The following TSTD1 variants were observed in gnomAD, a reference collection of about 807,000 sequenced individuals.
TSTD1 encodes thiosulfate sulfurtransferase like domain containing 1.
Under a neutral mutation model 12.6 loss-of-function variants are expected in TSTD1, and 7 were observed. The ratio of observed to expected loss-of-function variants is 0.55; its 90% CI spans 0.32 to 1.04. TSTD1 has a LOEUF of 1.04. Among genes scored for constraint, TSTD1 ranks in the 50% least tolerant of loss-of-function variants. The probability of loss-of-function intolerance (pLI) is 0.05; values close to 1 mark genes in which losing one functional copy is unlikely to be tolerated. For synonymous variants in TSTD1, 73 were observed against 59.7 expected (o/e 1.22, Z -1.03); for missense variants, 156 against 151.0 (o/e 1.03, Z -0.17).
chr1:161,038,006 G>A lies in TSTD1; in HGVS notation c.203C>T (p.Pro68Leu). ...AACGAGATGCTCATCTTCCAGCTTT[G>A]GCTTCTCAGCAGAATATAAAGCCTG... ...AFQALYSAEK[P>L]KLEDEHLVFF... Residue 68 changes from proline to leucine, a missense_variant, in exon 3 of 4, where the codon CCA (proline) becomes CTA (leucine). Pro to Leu is a moderately conservative substitution (Grantham distance 98). Transcript: ENST00000423014. The A allele has an allele frequency of 6.4e-7, 1 of 1,551,684 alleles. No individual in the cohort carries two copies. Among genetic ancestry groups the A allele is most frequent in the African/African-American group, 1.4e-5 (1 of 73,172 alleles).
chr1:161,038,012 TCA>T lies in TSTD1; in HGVS notation c.195_196del (p.Lys67AlafsTer6). On this transcript the variant is annotated frameshift_variant, in exon 3 of 4. Transcript: ENST00000423014. LOFTEE classifies it high-confidence loss of function. ...ATGCTCATCTTCCAGCTTTGGCTTC[TCA>T]GCAGAATATAAAGCCTGGAAGGCAG... 1 of 1,551,692 alleles carries T rather than the reference TCA, an allele frequency of 6.4e-7. No homozygotes were observed. Among genetic ancestry groups the T allele is most frequent in the South Asian group, 1.2e-5 (1 of 84,064 alleles).
chr1:161,038,595 T>C lies in TSTD1; in HGVS notation c.89A>G (p.Glu30Gly), dbSNP rs1650333503. 5 of 1,550,136 alleles carry C rather than the reference T, an allele frequency of 3.2e-6. No individual in the cohort carries two copies. The highest frequency in any genetic ancestry group is 4.4e-6 in the Non-Finnish European group (5 of 1,145,844). ...RARLFDVRSR[E>G]EAAAGTIPGA... ...TGGGATGGTCCCAGCTGCCGCCTCC[T>C]CGCGAGAGCGCACGTCGAAGAGCCG... The change falls in exon 2 of 4, where the codon GAG becomes GGG. Residue 30 changes from glutamate to glycine, a missense_variant. Coordinates refer to ENST00000423014, the MANE Select transcript of TSTD1 (RefSeq NM_001113207.2).
chr1:161,037,811 A>G lies in TSTD1; in HGVS notation c.312T>C (p.Ala104=), dbSNP rs374318789. Residue 104 remains alanine, a synonymous_variant, in exon 4 of 4, where the codon GCT becomes GCC. Transcript: ENST00000423014. ...SLGYTGARNY[A]GAYREWLEKE... ...TCTCCAACCATTCTCTATAGGCTCC[A>G]GCGTAGTTGCGAGCCCTGTGGAGAC... 52 of 1,551,622 alleles carry G rather than the reference A, an allele frequency of 3.4e-5. 1 individual carries two copies. Among genetic ancestry groups the G allele is most frequent in the Non-Finnish European group, 4.3e-5 (49 of 1,146,988 alleles).
chr1:161,038,901 C>T lies in TSTD1; in HGVS notation c.-12G>A. On this transcript the variant is annotated 5_prime_UTR_variant, in exon 1 of 4. Coordinates refer to ENST00000423014, the MANE Select transcript of TSTD1 (RefSeq NM_001113207.2). ...GTACCTCCAGCCATGGTGCGCGTAG[C>T]AACCGCGAGTCTCCGGAGTGCGGCC... The T allele has an allele frequency of 6.4e-7, 1 of 1,550,820 alleles. No homozygotes were observed. The highest frequency in any genetic ancestry group is 8.7e-7 in the Non-Finnish European group (1 of 1,146,422).
In TSTD1 at chr1:161,037,697, CA is replaced by C. The variant is rs1650274481; in HGVS notation, c.*77del. ...CACTATAAGGAGTTGCCCAATTCACCAAGTCAGCCCGTTCACACCCTTAGTT... is the reference window on the plus strand; with the variant it reads ...CACTATAAGGAGTTGCCCAATTCACCAGTCAGCCCGTTCACACCCTTAGTT... On this transcript the variant is annotated 3_prime_UTR_variant, in exon 4 of 4. Coordinates refer to ENST00000423014, the MANE Select transcript of TSTD1 (RefSeq NM_001113207.2). 4 of 1,488,120 alleles carry C rather than the reference CA, an allele frequency of 2.7e-6. No individual in the cohort carries two copies. The South Asian group carries it at 3.6e-5, about 14-fold the overall frequency. The allele number at this position is 1,488,120 out of a possible 1,614,324, so 92.2% of individuals were successfully genotyped here. A position where few individuals can be genotyped will look rare whatever the true frequency, so the allele number is the denominator to read the frequency against.
intron 3 of TSTD1, 34 bp from the exon 4 acceptor site, chr1:161,037,860 G>A: frequency 6.4e-7 from 1 of 1,551,792 alleles, no homozygotes; most frequent in South Asian, 1.2e-5. Flanking sequence ...AGACTGACAG[G>A]AATGACAGGC....
chr1:161,038,677 A>T lies in TSTD1; in HGVS notation c.11-4T>A. 2.6e-6 allele frequency: 4 copies of T among 1,542,676 alleles called. No individual in the cohort carries two copies. Among genetic ancestry groups the T allele is most frequent in the Non-Finnish European group, 3.5e-6 (4 of 1,139,648 alleles). ...TCAGGAAGCGAGACCGTGGGCGCTG[A>T]GGAAGGGGCGCGACAGCCTTCAGGA... On this transcript the variant is annotated splice_region_variant and splice_polypyrimidine_tract_variant and intron_variant, in intron 1 of 3. Transcript: ENST00000423014.
At position 161,038,805 on chromosome 1, in the gene TSTD1, C is replaced by G. The variant is rs908730314; in HGVS notation, c.10+75G>C. On this transcript the variant is annotated intron_variant, in intron 1 of 3. Transcript: ENST00000423014. ...ACCCCTCAGCCACGCCCCTTCGCTC[C>G]GCCACCCCACTCCCTGCCACGCCTC... 79 of 1,525,114 alleles carry G rather than the reference C, an allele frequency of 5.2e-5. No individual in the cohort carries two copies. In the African/African-American group the frequency reaches 9.6e-4, roughly 19 times the overall value. The allele number at this position is 1,525,114 out of a possible 1,614,324, so 94.5% of individuals were successfully genotyped here. A position where few individuals can be genotyped will look rare whatever the true frequency, so the allele number is the denominator to read the frequency against.
rs746943567 is a variant in TSTD1 at position 161,038,929 on chromosome 1, G to A, written c.-40C>T. ...CCGCGAGTCTCCGGAGTGCGGCCCT[G>A]GCCCGCCCTCTCGGCGCCTGCAACA... On this transcript the variant is annotated 5_prime_UTR_variant, in exon 1 of 4. Coordinates refer to ENST00000423014, the MANE Select transcript of TSTD1 (RefSeq NM_001113207.2). 1.3e-6 allele frequency: 2 copies of A among 1,548,732 alleles called. No homozygotes were observed. The highest frequency in any genetic ancestry group is 1.7e-6 in the Non-Finnish European group (2 of 1,144,808).
At position 161,038,619 on chromosome 1, in the gene TSTD1, C is replaced by T. The variant is rs1650336343; in HGVS notation, c.65G>A (p.Arg22Gln). 6.4e-7 allele frequency: 1 copy of T among 1,550,816 alleles called. No homozygotes were observed. The highest frequency in any genetic ancestry group is 8.7e-7 in the Non-Finnish European group (1 of 1,146,312). Reference protein sequence around the residue: ...LRSLLASGRARLFDVRSREEA... With the variant: ...LRSLLASGRAQLFDVRSREEA... ...CTCGCGAGAGCGCACGTCGAAGAGC[C>T]GGGCCCGTCCGGAGGCTAGGAGTGA... The change falls in exon 2 of 4, where the codon CGG becomes CAG. Residue 22 changes from arginine to glutamine, a missense_variant. Arg to Gln is a conservative substitution (Grantham distance 43). Transcript: ENST00000423014.
Position 161,037,906 on chromosome 1 carries a change from C to T in TSTD1, c.296+7G>A. 1 of 1,551,860 alleles carries T rather than the reference C, an allele frequency of 6.4e-7. No individual in the cohort carries two copies. The highest frequency in any genetic ancestry group is 8.7e-7 in the Non-Finnish European group (1 of 1,147,034). On this transcript the variant is annotated splice_region_variant and intron_variant, in intron 3 of 3. Transcript: ENST00000423014. ...ACCTCCCAGCTAGCAGCCACACCTC[C>T]CCGTACCCAGTGTATCCAAGACTCC...
At position 161,038,621 on chromosome 1, in the gene TSTD1, G is replaced by C. The variant is rs898841576; in HGVS notation, c.63C>G (p.Ala21=). 12 of 1,550,710 alleles carry C rather than the reference G, an allele frequency of 7.7e-6. No homozygotes were observed. In the African/African-American group the frequency reaches 1.1e-4, roughly 14 times the overall value. ...CGCGAGAGCGCACGTCGAAGAGCCG[G>C]GCCCGTCCGGAGGCTAGGAGTGAAC... ...ELRSLLASGR[A]RLFDVRSREE... is the part of the protein sequence containing the mutation. The change falls in exon 2 of 4, where the codon GCC becomes GCG. Residue 21 remains alanine (A), a synonymous_variant. Transcript: ENST00000423014.
At position 161,037,843 on chromosome 1, in the gene TSTD1, G is replaced by A; in HGVS notation, c.297-17C>T. 1 of 1,551,776 alleles carries A rather than the reference G, an allele frequency of 6.4e-7. No individual in the cohort carries two copies. Among genetic ancestry groups the A allele is most frequent in the Non-Finnish European group, 8.7e-7 (1 of 1,147,002 alleles). ...TTGCGAGCCCTGTGGAGACAAAGAAGCGTGAGAGACTGACAGGAATGACAG... is the reference window on the plus strand; with the variant it reads ...TTGCGAGCCCTGTGGAGACAAAGAAACGTGAGAGACTGACAGGAATGACAG... On this transcript the variant is annotated splice_polypyrimidine_tract_variant and intron_variant, in intron 3 of 3. Coordinates refer to ENST00000423014, the MANE Select transcript of TSTD1 (RefSeq NM_001113207.2).
At position 161,037,844 on chromosome 1, in the gene TSTD1, C is replaced by T. The variant is rs1650285112; in HGVS notation, c.297-18G>A. The stretch of plus-strand genomic sequence containing the variant: ...TGCGAGCCCTGTGGAGACAAAGAAG[C>T]GTGAGAGACTGACAGGAATGACAGG... On this transcript the variant is annotated intron_variant, in intron 3 of 3. Coordinates refer to ENST00000423014, the MANE Select transcript of TSTD1 (RefSeq NM_001113207.2). 3 of 1,551,668 alleles carry T rather than the reference C, an allele frequency of 1.9e-6. No individual in the cohort carries two copies. Among genetic ancestry groups the T allele is most frequent in the Non-Finnish European group, 1.7e-6 (2 of 1,147,016 alleles).
Position 161,037,682 on chromosome 1 carries a change from A to AGTT in TSTD1, c.*90_*92dup, listed in dbSNP as rs1432428605. ...CTTTTGTGTGCACAACACTATAAGG[A>AGTT]GTTGCCCAATTCACCAAGTCAGCCC... On this transcript the variant is annotated 3_prime_UTR_variant, in exon 4 of 4. Coordinates refer to ENST00000423014, the MANE Select transcript of TSTD1 (RefSeq NM_001113207.2). The AGTT allele has an allele frequency of 3.1e-6, 4 of 1,294,628 alleles. No homozygotes were observed. The highest frequency in any genetic ancestry group is 4.4e-6 in the Non-Finnish European group (4 of 917,082). The allele number at this position is 1,294,628 out of a possible 1,614,324, so 80.2% of individuals were successfully genotyped here. A position where few individuals can be genotyped will look rare whatever the true frequency, so the allele number is the denominator to read the frequency against.
Position 161,037,764 on chromosome 1 carries a change from C to T in TSTD1, c.*11G>A. 1.9e-6 allele frequency: 3 copies of T among 1,551,738 alleles called. No homozygotes were observed. Among genetic ancestry groups the T allele is most frequent in the Non-Finnish European group, 2.6e-6 (3 of 1,147,002 alleles). On this transcript the variant is annotated 3_prime_UTR_variant, in exon 4 of 4. Transcript: ENST00000423014. ...GGGCCAGGGGGTGGCAATCAGTAAG[C>T]TGCCTCCTGCCTAACTCTCTTTCTC...
rs917300750 is a variant in TSTD1 at position 161,038,564 on chromosome 1, C to T, written c.120G>A (p.Ala40=). The change falls in exon 2 of 4, where the codon GCG becomes GCA. Residue 40 remains alanine (A), a synonymous_variant. Transcript: ENST00000423014. ...EEAAAGTIPG[A]LNIPVSELES... is the part of the protein sequence containing the mutation. ...TCCACCCTATACCCGGGATGTTGAG[C>T]GCCCCTGGGATGGTCCCAGCTGCCG... 1 of 1,542,422 alleles carries T rather than the reference C, an allele frequency of 6.5e-7. No homozygotes were observed. The highest frequency in any genetic ancestry group is 8.8e-7 in the Non-Finnish European group (1 of 1,139,938).
chr1:161,038,349 TCTC>T, intron 2 of TSTD1, 199 bp downstream of exon 2: 2 of 727,830 alleles, frequency 2.7e-6, no homozygotes, highest in Admixed American at 6.0e-5. Flanking sequence ...CCTGCTGTCT[TCTC>T]AAACTGGATG....
Position 161,037,835 on chromosome 1 carries a change from A to G in TSTD1, c.297-9T>C, listed in dbSNP as rs1650284558. 6.4e-7 allele frequency: 1 copy of G among 1,551,598 alleles called. No homozygotes were observed. The highest frequency in any genetic ancestry group is 8.7e-7 in the Non-Finnish European group (1 of 1,146,990). ...CAGCGTAGTTGCGAGCCCTGTGGAGACAAAGAAGCGTGAGAGACTGACAGG... is the reference window on the plus strand; with the variant it reads ...CAGCGTAGTTGCGAGCCCTGTGGAGGCAAAGAAGCGTGAGAGACTGACAGG... On this transcript the variant is annotated splice_polypyrimidine_tract_variant and intron_variant, in intron 3 of 3. Transcript: ENST00000423014.
Sources: allele counts gnomAD v4.1 joint callset, GRCh38; gene constraint gnomAD v4.1.1; transcripts MANE v1.5; gene names NCBI Gene and HGNC (gene_info 2026-07-23, HGNC 2026-07-21).